The following USP34 variants were observed in gnomAD, a reference collection of about 807,000 sequenced individuals.
USP34 encodes ubiquitin carboxyl-terminal hydrolase 34.
USP34 carries 70 observed loss-of-function variants against 460.3 expected under a neutral mutation model. That is an observed-to-expected ratio of 0.15 (90% CI 0.13 to 0.19). The LOEUF (loss-of-function observed/expected upper bound fraction) is 0.19, where lower values mean the gene tolerates loss of function less well. Ranked by LOEUF, USP34 falls within the 10% of genes least tolerant of loss-of-function variation. The pLI, the probability that USP34 is intolerant of heterozygous loss-of-function variation, is 1.00. For synonymous variants in USP34, 1,647 were observed against 1,405.3 expected, an observed-to-expected ratio of 1.17 and a Z score of -3.85; for missense variants, 3,985 against 4,236.2, an observed-to-expected ratio of 0.94 and a Z score of 1.65.
At chr2:61,409,838 G>A (rs1042611703) in intron 2 of USP34, among the ~76,000 whole-genome samples, 6 of 152,114 alleles carry the variant, frequency 3.9e-5, no homozygotes, top group Non-Finnish European at 5.9e-5. Context: ...GAAGAAACTG[G>A]GTCTGGGTCC....
intron 1 of USP34, among the ~76,000 whole-genome samples, chr2:61,463,392 T>C (rs963687507): frequency 6.6e-6 from 1 of 152,192 alleles, no homozygotes; most frequent in Non-Finnish European, 1.5e-5. Context: ...GCTATACTTA[T>C]TACCACTTTT....
intron 5 of USP34, among the ~76,000 whole-genome samples, chr2:61,393,011 C>T (rs1175211320): frequency 6.6e-6 from 1 of 152,160 alleles, no homozygotes; most frequent in Non-Finnish European, 1.5e-5. Context: ...TAAAAGCCAC[C>T]AGTTACTACA....
At chr2:61,226,865 GA>G in intron 62 of USP34, 1 of 598,018 alleles carries the variant, frequency 1.7e-6, no homozygotes, top group East Asian at 3.6e-5. Flanking sequence ...AAGTTTGGTA[GA>G]AAAAACTGAA....
At chr2:61,437,623 A>C (rs1694848431) in intron 1 of USP34, among the ~76,000 whole-genome samples, 1 of 151,956 alleles carries the variant, frequency 6.6e-6, no homozygotes. Flanking sequence ...AATACAAAAA[A>C]TTAGCCAGGC....
In USP34 at chr2:61,348,019, A is replaced by G. The variant is rs1277431687; in HGVS notation, c.2136T>C (p.Thr712=). The G allele has an allele frequency of 3.1e-6, 5 of 1,614,056 alleles. No individual in the cohort carries two copies. The African/African-American group carries it at 6.7e-5, about 22-fold the overall frequency. ...EHDISGEMNA[T]HIAQGSQESC... The stretch of plus-strand genomic sequence containing the variant: ...ACTCCTGAGACCCTTGTGCTATATG[A>G]GTAGCATTCATTTCCCCTGAAATAT... Residue 712 remains threonine (T), a synonymous_variant, in exon 15 of 80, where the codon ACT becomes ACC. Transcript: ENST00000398571.
In USP34 at chr2:61,356,636, C is replaced by T. The variant is rs181965117; in HGVS notation, c.1252-5943G>A. Among the ~76,000 whole-genome samples the T allele has an allele frequency of 5.9e-5, 9 of 152,200 alleles. 1 individual carries two copies. The highest frequency in any genetic ancestry group is 5.9e-4 in the Admixed American group (9 of 15,294). On this transcript the variant is annotated intron_variant, in intron 10 of 79. Coordinates refer to ENST00000398571, the MANE Select transcript of USP34 (RefSeq NM_014709.4). ...CAAAAGGACAAATATTTAATGATTC[C>T]ACTTATATCAGAAACCTAGACTACT...
intron 1 of USP34, among the ~76,000 whole-genome samples, chr2:61,466,467 G>A (rs1183822102): frequency 1.3e-5 from 2 of 152,100 alleles, no homozygotes; most frequent in African/African-American, 4.8e-5. Context: ...ATAGCTAGGA[G>A]GATACTGAAT....
intron 6 of USP34, among the ~76,000 whole-genome samples, chr2:61,381,956 G>C (rs966659297): frequency 6.6e-6 from 1 of 152,050 alleles, no homozygotes; most frequent in African/African-American, 2.4e-5. Context: ...TTGAGGAGGG[G>C]GGGTGCTGAA....
At chr2:61,196,847 C>T (rs1325064081) in intron 75 of USP34, among the ~76,000 whole-genome samples, 1 of 152,130 alleles carries the variant, frequency 6.6e-6, no homozygotes, top group African/African-American at 2.4e-5. Flanking sequence ...ATAAAGCAAT[C>T]TCTATATCTA....
intron 1 of USP34, among the ~76,000 whole-genome samples, chr2:61,422,249 C>G (rs1466049929): frequency 6.6e-6 from 1 of 152,168 alleles, no homozygotes; most frequent in East Asian, 1.9e-4. Flanking sequence ...GTACGCCATG[C>G]CAGTTTTCCT....
Position 61,311,482 on chromosome 2 carries a change from A to AAAAAAAGAGAAAG in USP34, c.3817+57_3817+58insCTTTCTCTTTTTT. The AAAAAAAGAGAAAG allele has an allele frequency of 4.0e-6, 6 of 1,508,154 alleles. 1 individual carries two copies. In the Admixed American group the frequency reaches 9.5e-5, roughly 24 times the overall value. 93.4% of individuals were successfully genotyped at this position (1,508,154 alleles called of 1,614,324 possible). A position where few individuals can be genotyped will look rare whatever the true frequency, so the allele number is the denominator to read the frequency against. ...AAGGAAAGGAGAAAAGAGAAAGAGA[A>AAAAAAAGAGAAAG]AGAGAAAAAGAAAGAAAGAGAGAAA... On this transcript the variant is annotated intron_variant, in intron 27 of 79. Transcript: ENST00000398571.
chr2:61,470,084 A>C (rs910215984), intron 1 of USP34, among the ~76,000 whole-genome samples: 4 of 152,228 alleles, frequency 2.6e-5, no homozygotes, highest in African/African-American at 9.6e-5. Context: ...TGAAGGTTCC[A>C]ATCATCACTA....
At chr2:61,242,693 T>C (rs1468126364) in intron 51 of USP34, among the ~76,000 whole-genome samples, 1 of 152,134 alleles carries the variant, frequency 6.6e-6, no homozygotes, top group East Asian at 1.9e-4. Context: ...TGTTTCTTAA[T>C]GAGTAAGGAG....
chr2:61,221,409 A>G, intron 66 of USP34, 93 bp downstream of exon 66: 8 of 1,157,904 alleles, frequency 6.9e-6, no homozygotes, highest in Non-Finnish European at 9.7e-6. Flanking sequence ...TCTTGGGGTA[A>G]TAAGAAACTG....
At chr2:61,403,714 G>A (rs544725343) in intron 3 of USP34, among the ~76,000 whole-genome samples, 59 of 152,150 alleles carry the variant, frequency 3.9e-4, no homozygotes, top group African/African-American at 1.2e-3. Context: ...GAGGCTGGGC[G>A]CAGCGGCTCA....
intron 5 of USP34, among the ~76,000 whole-genome samples, chr2:61,386,875 A>G (rs908761784): frequency 1.1e-4 from 17 of 152,216 alleles, no homozygotes; most frequent in African/African-American, 4.1e-4. Context: ...GAAAACCTTA[A>G]CCATAAAGAA....
chr2:61,204,459 C>A (rs377152387), intron 73 of USP34, 38 bp downstream of exon 73: 1 of 1,612,284 alleles, frequency 6.2e-7, no homozygotes, highest in Admixed American at 1.7e-5. Flanking sequence ...CGATTAAATG[C>A]GAACCATATT....
intron 2 of USP34, among the ~76,000 whole-genome samples, chr2:61,409,800 A>C (rs2103945284): frequency 6.6e-6 from 1 of 152,308 alleles, no homozygotes; most frequent in African/African-American, 2.4e-5. Context: ...TGATCTTCAA[A>C]GACAAAAATT....
intron 75 of USP34, chr2:61,194,018 A>G: frequency 7.3e-6 from 5 of 687,834 alleles, no homozygotes; most frequent in Non-Finnish European, 9.0e-6. Context: ...AAAAATTTAA[A>G]AATATGAAAA....
Sources: gnomAD v4.1 joint callset for allele counts (sites outside exome capture counted in the v4.1 genomes callset) on GRCh38, gnomAD v4.1.1 for gene constraint, MANE v1.5 for transcripts, NCBI Gene and HGNC (gene_info 2026-07-23, HGNC 2026-07-21) for gene names.